Variants in IQCM observed in about 807,000 individuals in gnomAD.
IQCM encodes the protein IQ motif containing M.
Under a neutral mutation model 57.6 loss-of-function variants are expected in IQCM, and 45 were observed. The observed-to-expected ratio is 0.78, with a 90% CI of 0.62 to 1.00. The LOEUF (loss-of-function observed/expected upper bound fraction) is 1.00, where lower values mean the gene tolerates loss of function less well. Ranked by LOEUF, IQCM falls within the 50% of genes least tolerant of loss-of-function variation. IQCM has a pLI of 0.00. For missense variants in IQCM, 468 were observed against 511.6 expected (o/e 0.91, Z 0.82); for synonymous variants, 148 against 158.9 (o/e 0.93, Z 0.51).
At chr4:149,545,485 G>A (rs532616518) in intron 12 of IQCM, among the ~76,000 whole-genome samples, 3 of 152,220 alleles carry the variant, frequency 2.0e-5, no homozygotes, top group African/African-American at 7.2e-5. Flanking sequence ...AAACAACAGT[G>A]AGCTATTACC....
intron 5 of IQCM, among the ~76,000 whole-genome samples, chr4:149,692,582 T>C (rs180990518): frequency 1.3e-5 from 2 of 152,284 alleles, no homozygotes; most frequent in East Asian, 3.9e-4. Flanking sequence ...CTAAGTCATA[T>C]TAGGACTGCA....
rs1202226681 is a variant in IQCM, at chr4:149,673,524, G to C, written c.565+8594C>G. ...ACCAACAAAAATCAAAAGAGACAAA[G>C]AAGGCCATTACATAATGGTAAAGGG... On this transcript the variant is annotated intron_variant, in intron 7 of 13. Coordinates refer to ENST00000636793, the MANE Select transcript of IQCM (RefSeq NM_001363507.2). 2.6e-5 allele frequency among the ~76,000 whole-genome samples: 4 copies of C among 152,126 alleles called. No homozygotes were observed. In the East Asian group the frequency reaches 7.7e-4, roughly 29 times the overall value.
At chr4:149,789,818 T>C (rs1237776191) in intron 2 of IQCM, 1 of 156,120 alleles carries the variant, frequency 6.4e-6, no homozygotes, top group African/African-American at 2.4e-5. Context: ...GTTGGGAGGA[T>C]TGTTGAGCCC....
intron 8 of IQCM, among the ~76,000 whole-genome samples, chr4:149,593,047 C>T (rs1277220447): frequency 6.6e-6 from 1 of 152,270 alleles, no homozygotes; most frequent in Middle Eastern, 3.4e-3. Context: ...TTACCTTGGG[C>T]AGTATGGCCA....
chr4:149,697,262 G>A (rs1419312668), intron 5 of IQCM, among the ~76,000 whole-genome samples: 2 of 152,010 alleles, frequency 1.3e-5, no homozygotes, highest in Non-Finnish European at 2.9e-5. Context: ...ATAAGTCAAG[G>A]TCTGTTCCTC....
At chr4:149,367,685 T>C (rs1310130787) in intron 13 of IQCM, among the ~76,000 whole-genome samples, 1 of 151,930 alleles carries the variant, frequency 6.6e-6, no homozygotes, top group East Asian at 1.9e-4. Context: ...AAGTGCAGAG[T>C]CAAAAGTATA....
intron 7 of IQCM, among the ~76,000 whole-genome samples, chr4:149,667,801 C>T (rs184892400): frequency 2.1e-4 from 32 of 150,998 alleles, no homozygotes; most frequent in Middle Eastern, 3.4e-3. Context: ...TATCAGTAGC[C>T]GAATTAATCA....
At chr4:149,377,962 G>A (rs1386028347) in intron 13 of IQCM, among the ~76,000 whole-genome samples, 2 of 152,092 alleles carry the variant, frequency 1.3e-5, no homozygotes, top group Non-Finnish European at 2.9e-5. Context: ...CCCTCGTGTT[G>A]TGGGAGGGAC....
At chr4:149,802,187 C>G (rs748406866) in intron 2 of IQCM, among the ~76,000 whole-genome samples, 21 of 151,704 alleles carry the variant, frequency 1.4e-4, no homozygotes, top group Non-Finnish European at 1.5e-4. Context: ...AACTAGTCCC[C>G]TAGGATGAGC....
chr4:149,485,043 T>C (rs536275947), intron 12 of IQCM, among the ~76,000 whole-genome samples: 6 of 152,268 alleles, frequency 3.9e-5, no homozygotes, highest in Admixed American at 3.3e-4. Flanking sequence ...CACTCTCTCC[T>C]GGCCTGTAAG....
intron 13 of IQCM, among the ~76,000 whole-genome samples, chr4:149,389,408 C>T (rs1191015994): frequency 6.6e-6 from 1 of 151,780 alleles, no homozygotes; most frequent in South Asian, 2.1e-4. Context: ...CACATGCACA[C>T]GTATGTTTAT....
chr4:149,550,623 C>T (rs1748938056), intron 11 of IQCM, among the ~76,000 whole-genome samples: 1 of 152,002 alleles, frequency 6.6e-6, no homozygotes, highest in African/African-American at 2.4e-5. Context: ...AATTAGTATT[C>T]AAGGATGATA....
intron 12 of IQCM, among the ~76,000 whole-genome samples, chr4:149,497,932 T>G (rs185381849): frequency 7.2e-5 from 11 of 152,164 alleles, no homozygotes; most frequent in African/African-American, 2.4e-4. Flanking sequence ...TGCCACCAAA[T>G]TGTAACTGAT....
intron 5 of IQCM, among the ~76,000 whole-genome samples, chr4:149,727,136 T>C: frequency 6.6e-6 from 1 of 152,212 alleles, no homozygotes; most frequent in Admixed American, 6.5e-5. Flanking sequence ...ATGTGGCTCA[T>C]GTGGCATGTC....
chr4:149,452,636 T>C (rs1001393772), intron 12 of IQCM, among the ~76,000 whole-genome samples: 20 of 151,638 alleles, frequency 1.3e-4, no homozygotes, highest in African/African-American at 4.8e-4. Flanking sequence ...AATTAGTGTA[T>C]ACATATTGTG....
intron 2 of IQCM, among the ~76,000 whole-genome samples, chr4:149,789,526 A>C (rs1216570778): frequency 2.0e-5 from 3 of 152,178 alleles, no homozygotes; most frequent in Non-Finnish European, 2.9e-5. Context: ...TTATGAATAC[A>C]TACACCTTAA....
intron 13 of IQCM, among the ~76,000 whole-genome samples, chr4:149,381,554 C>G (rs1487086856): frequency 1.3e-5 from 2 of 152,054 alleles, no homozygotes; most frequent in Non-Finnish European, 2.9e-5. Flanking sequence ...GCTGTTCACT[C>G]CACTTCTTGG....
At chr4:149,504,828 G>A (rs764554617) in intron 12 of IQCM, among the ~76,000 whole-genome samples, 11 of 152,180 alleles carry the variant, frequency 7.2e-5, no homozygotes, top group East Asian at 1.9e-4. Flanking sequence ...CAAAAGAATC[G>A]CTTGAGCCCA....
intron 12 of IQCM, among the ~76,000 whole-genome samples, chr4:149,459,058 C>T (rs1463598194): frequency 6.6e-6 from 1 of 152,150 alleles, no homozygotes; most frequent in Admixed American, 6.5e-5. Flanking sequence ...TCAAAATATT[C>T]CCACATGTTT....
Sources: gnomAD v4.1 joint callset for allele counts (sites outside exome capture counted in the v4.1 genomes callset) on GRCh38, gnomAD v4.1.1 for gene constraint, MANE v1.5 for transcripts, NCBI Gene and HGNC (gene_info 2026-07-23, HGNC 2026-07-21) for gene names.